The following SGCZ variants were observed in gnomAD, a reference collection of about 807,000 sequenced individuals.
SGCZ encodes the protein zeta-sarcoglycan.
SGCZ carries 40 observed loss-of-function variants against 41.3 expected under a neutral mutation model. The ratio of observed to expected loss-of-function variants is 0.97; its 90% confidence interval spans 0.75 to 1.26. SGCZ has a LOEUF of 1.26. SGCZ is among the 50% of genes most tolerant of loss of function. The probability of loss-of-function intolerance (pLI) is 0.00; values close to 1 mark genes in which losing one functional copy is unlikely to be tolerated. For synonymous variants in SGCZ, 206 were observed against 137.5 expected (o/e 1.50, Z -3.49); for missense variants, 552 against 369.8 (o/e 1.49, Z -4.04).
chr8:15,228,868 G>C (rs1446695316), intron 1 of SGCZ, among the ~76,000 whole-genome samples: 1 of 152,180 alleles, frequency 6.6e-6, no homozygotes, highest in Non-Finnish European at 1.5e-5. Context: ...GCACAGTTAA[G>C]CTTTATAATC....
intron 1 of SGCZ, among the ~76,000 whole-genome samples, chr8:15,130,727 G>A (rs1274057479): frequency 1.3e-5 from 2 of 152,148 alleles, no homozygotes; most frequent in African/African-American, 4.8e-5. Context: ...GTAAATAATT[G>A]TAAGCATTAC....
At chr8:14,989,095 A>C (rs545321508) in intron 1 of SGCZ, among the ~76,000 whole-genome samples, 8 of 152,128 alleles carry the variant, frequency 5.3e-5, no homozygotes, top group Non-Finnish European at 1.0e-4. Flanking sequence ...TGGGAGAAAA[A>C]AACCTCCCAG....
Position 14,933,894 on chromosome 8 carries a change from C to A in SGCZ, c.39+303691G>T, listed in dbSNP as rs188136161. Among the ~76,000 whole-genome samples, 596 of 151,966 alleles carry A rather than the reference C, an allele frequency of 3.9e-3. 2 individuals carry two copies. Among genetic ancestry groups the A allele is most frequent in the South Asian group, 0.01 (49 of 4,818 alleles). Reference sequence around the variant, plus strand: ...ATTTATTTTTCAATGGATGGGTGAACATTAAAAACACACAGGGACAAAATA... The same window carrying A: ...ATTTATTTTTCAATGGATGGGTGAAAATTAAAAACACACAGGGACAAAATA... On this transcript the variant is annotated intron_variant, in intron 1 of 7. Coordinates refer to ENST00000382080, the MANE Select transcript of SGCZ (RefSeq NM_139167.4).
intron 4 of SGCZ, among the ~76,000 whole-genome samples, chr8:14,230,075 T>C (rs1233860661): frequency 6.6e-6 from 1 of 152,138 alleles, no homozygotes; most frequent in Non-Finnish European, 1.5e-5. Context: ...CTATGCTCTA[T>C]GGCTAAGATG....
chr8:14,276,434 C>T (rs1002505766), intron 3 of SGCZ, among the ~76,000 whole-genome samples: 4 of 152,110 alleles, frequency 2.6e-5, no homozygotes, highest in African/African-American at 9.7e-5. Context: ...TAATTTATGT[C>T]CCGTGCCATG....
intron 1 of SGCZ, among the ~76,000 whole-genome samples, chr8:14,666,809 A>T (rs1039575356): frequency 1.3e-5 from 2 of 152,016 alleles, no homozygotes; most frequent in African/African-American, 2.4e-5. Flanking sequence ...ATCACTGTTG[A>T]TATCTACATG....
chr8:14,490,515 C>T (rs1314547064), intron 2 of SGCZ, among the ~76,000 whole-genome samples: 1 of 152,138 alleles, frequency 6.6e-6, no homozygotes, highest in Non-Finnish European at 1.5e-5. Context: ...TGATTCTCAT[C>T]CCCTTACTCT....
At chr8:14,520,215 A>G (rs80003840) in intron 2 of SGCZ, among the ~76,000 whole-genome samples, 1,857 of 152,074 alleles carry the variant, frequency 0.012, 19 homozygotes, top group Non-Finnish European at 0.019. Flanking sequence ...ACAAAATATT[A>G]TTTTTTCTCA....
chr8:14,454,655 A>G (rs1291188594), intron 2 of SGCZ, among the ~76,000 whole-genome samples: 1 of 152,176 alleles, frequency 6.6e-6, no homozygotes, highest in East Asian at 1.9e-4. Context: ...ATCAATTTGT[A>G]TAATAAAATT....
intron 1 of SGCZ, among the ~76,000 whole-genome samples, chr8:14,621,994 G>T (rs1198424244): frequency 6.6e-6 from 1 of 151,974 alleles, no homozygotes; most frequent in Admixed American, 6.6e-5. Flanking sequence ...TGGCCTATTT[G>T]TGCTCTACAG....
intron 1 of SGCZ, among the ~76,000 whole-genome samples, chr8:15,108,754 T>C (rs939196563): frequency 5.3e-5 from 8 of 152,162 alleles, no homozygotes; most frequent in African/African-American, 9.7e-5. Context: ...TTAATATGTA[T>C]TGTAAGAGGC....
chr8:15,079,347 G>A (rs966224653), intron 1 of SGCZ, among the ~76,000 whole-genome samples: 2 of 152,072 alleles, frequency 1.3e-5, no homozygotes, highest in Non-Finnish European at 2.9e-5. Context: ...CAGTCATTTT[G>A]GTTGCCTTGG....
At chr8:14,931,482 C>G (rs753294222) in intron 1 of SGCZ, among the ~76,000 whole-genome samples, 25 of 151,942 alleles carry the variant, frequency 1.6e-4, no homozygotes, top group Non-Finnish European at 3.4e-4. Context: ...TTTCAATTCT[C>G]TCATTAGTGC....
At chr8:14,894,717 A>C (rs1014857565) in intron 1 of SGCZ, among the ~76,000 whole-genome samples, 2 of 152,216 alleles carry the variant, frequency 1.3e-5, no homozygotes, top group African/African-American at 2.4e-5. Flanking sequence ...TTGTCTTTAG[A>C]AACTACTTCA....
chr8:14,217,952 G>A (rs920558930), intron 4 of SGCZ, among the ~76,000 whole-genome samples: 2 of 151,832 alleles, frequency 1.3e-5, no homozygotes, highest in Non-Finnish European at 2.9e-5. Flanking sequence ...TTTTTAAAGT[G>A]CAAAATAGGA....
intron 1 of SGCZ, among the ~76,000 whole-genome samples, chr8:14,667,851 A>G (rs1443275206): frequency 6.6e-6 from 1 of 152,202 alleles, no homozygotes; most frequent in East Asian, 1.9e-4. Context: ...TATTATTGCT[A>G]AAATAAATAC....
At chr8:14,230,515 G>A (rs1187024884) in intron 4 of SGCZ, among the ~76,000 whole-genome samples, 1 of 152,120 alleles carries the variant, frequency 6.6e-6, no homozygotes, top group African/African-American at 2.4e-5. Context: ...GCAGTTGACA[G>A]ATCTGGGATT....
chr8:14,091,336 C>A (rs781439480), intron 7 of SGCZ, among the ~76,000 whole-genome samples: 1 of 151,740 alleles, frequency 6.6e-6, no homozygotes, highest in African/African-American at 2.4e-5. Flanking sequence ...ATTTATAATC[C>A]TTTGGGTATA....
At chr8:15,106,565 T>C (rs1313166902) in intron 1 of SGCZ, among the ~76,000 whole-genome samples, 1 of 136,950 alleles carries the variant, frequency 7.3e-6, no homozygotes, top group Admixed American at 7.1e-5. Context: ...TTTTATTACA[T>C]ACAGACTTCT....
Sources: gnomAD v4.1 joint callset for allele counts (sites outside exome capture counted in the v4.1 genomes callset) on GRCh38, gnomAD v4.1.1 for gene constraint, MANE v1.5 for transcripts, NCBI Gene and HGNC (gene_info 2026-07-23, HGNC 2026-07-21) for gene names.